Variants in IMMP2L observed in about 807,000 individuals in gnomAD.
IMMP2L encodes the protein inner mitochondrial membrane peptidase subunit 2, also known as mitochondrial inner membrane protease subunit 2.
IMMP2L carries 18 observed loss-of-function variants against 19.3 expected under a neutral mutation model. The ratio of observed to expected loss-of-function variants is 0.93; its 90% confidence interval spans 0.64 to 1.38. The LOEUF is 1.38. IMMP2L is among the 40% of genes most tolerant of loss of function. IMMP2L has a pLI of 0.00. For synonymous variants in IMMP2L, 76 were observed against 73.0 expected, an observed-to-expected ratio of 1.04 and a Z score of -0.21; for missense variants, 233 against 218.2, an observed-to-expected ratio of 1.07 and a Z score of -0.43.
chr7:111,169,952 A>C (rs2129608786), intron 3 of IMMP2L, among the ~76,000 whole-genome samples: 1 of 152,014 alleles, frequency 6.6e-6, no homozygotes, highest in Non-Finnish European at 1.5e-5. Flanking sequence ...TTCCTATATT[A>C]GATTTTAAAA....
intron 3 of IMMP2L, among the ~76,000 whole-genome samples, chr7:111,102,785 G>A (rs941671772): frequency 2.0e-5 from 3 of 151,402 alleles, no homozygotes; most frequent in East Asian, 1.9e-4. Flanking sequence ...AAAAAGCTCC[G>A]AAACCATTCT....
chr7:110,869,357 T>C (rs560163810), intron 5 of IMMP2L, among the ~76,000 whole-genome samples: 1 of 152,260 alleles, frequency 6.6e-6, no homozygotes, highest in Non-Finnish European at 1.5e-5. Context: ...TAGTTGTAAA[T>C]AAAGTCAATA....
intron 5 of IMMP2L, among the ~76,000 whole-genome samples, chr7:110,814,277 C>A (rs918065977): frequency 1.3e-5 from 2 of 151,800 alleles, no homozygotes; most frequent in Non-Finnish European, 2.9e-5. Flanking sequence ...TTTAAGGTAG[C>A]AAAATCATTA....
intron 3 of IMMP2L, among the ~76,000 whole-genome samples, chr7:111,018,817 A>G (rs935372761): frequency 6.8e-6 from 1 of 147,858 alleles, no homozygotes; most frequent in Non-Finnish European, 1.5e-5. Context: ...TATTATTATT[A>G]TTATTATTAT....
chr7:111,030,282 A>C (rs1827272085), intron 3 of IMMP2L, among the ~76,000 whole-genome samples: 1 of 152,096 alleles, frequency 6.6e-6, no homozygotes, highest in Non-Finnish European at 1.5e-5. Context: ...TAAAATGTGA[A>C]AAAAAAGCCT....
intron 1 of IMMP2L, among the ~76,000 whole-genome samples, chr7:111,522,898 G>A (rs895353413): frequency 1.5e-5 from 2 of 134,056 alleles, no homozygotes; most frequent in Non-Finnish European, 3.2e-5. Flanking sequence ...GTCCATCAAT[G>A]GATGAATGAA....
intron 3 of IMMP2L, among the ~76,000 whole-genome samples, chr7:111,003,947 T>TGTATA (rs1824008246): frequency 6.6e-6 from 1 of 152,232 alleles, no homozygotes; most frequent in African/African-American, 2.4e-5. Context: ...TATACCACTT[T>TGTATA]GTATATTCTC....
At chr7:111,195,850 T>A (rs998075796) in intron 3 of IMMP2L, among the ~76,000 whole-genome samples, 2 of 152,368 alleles carry the variant, frequency 1.3e-5, no homozygotes, top group African/African-American at 4.8e-5. Flanking sequence ...TTCATTTCAT[T>A]TCATTTCATT....
chr7:111,123,658 G>C lies in IMMP2L; in HGVS notation c.240-160093C>G, dbSNP rs766559563. Reference sequence around the variant, plus strand: ...AGAGTTGGGGATAAATAATATGCCTGAGCTGATTTCCATCGATAGTCTTGC... The same window carrying C: ...AGAGTTGGGGATAAATAATATGCCTCAGCTGATTTCCATCGATAGTCTTGC... On this transcript the variant is annotated intron_variant, in intron 3 of 5. Coordinates refer to ENST00000405709, the MANE Select transcript of IMMP2L (RefSeq NM_032549.4). This position sits in a 1 kb window ranked among gnomAD's most constrained non-coding sequence, Gnocchi z 6.4. 6.2e-7 allele frequency: 1 copy of C among 1,613,742 alleles called. No homozygotes were observed. The highest frequency in any genetic ancestry group is 1.3e-5 in the African/African-American group (1 of 74,878).
chr7:111,350,952 T>C (rs1470062182), intron 3 of IMMP2L, among the ~76,000 whole-genome samples: 2 of 152,180 alleles, frequency 1.3e-5, no homozygotes, highest in Non-Finnish European at 2.9e-5. Flanking sequence ...TTAGTATTAT[T>C]AGGGTAGATG....
intron 3 of IMMP2L, among the ~76,000 whole-genome samples, chr7:111,057,944 A>T (rs1586004523): frequency 6.6e-6 from 1 of 152,306 alleles, no homozygotes; most frequent in South Asian, 2.1e-4. Context: ...TATACAGCAT[A>T]TGTATATGTG....
chr7:111,140,506 C>A (rs1802772154), intron 3 of IMMP2L, among the ~76,000 whole-genome samples: 1 of 152,140 alleles, frequency 6.6e-6, no homozygotes, highest in South Asian at 2.1e-4. Flanking sequence ...TTTCAAAACA[C>A]TATGCATCAT....
At chr7:111,292,934 A>C (rs1433612213) in intron 3 of IMMP2L, among the ~76,000 whole-genome samples, 1 of 152,004 alleles carries the variant, frequency 6.6e-6, no homozygotes, top group African/African-American at 2.4e-5. Flanking sequence ...AGGCCAAGAG[A>C]GCTCATTCCT....
intron 3 of IMMP2L, among the ~76,000 whole-genome samples, chr7:111,303,261 A>T (rs1466987078): frequency 1.3e-5 from 2 of 152,152 alleles, no homozygotes; most frequent in African/African-American, 2.4e-5. Flanking sequence ...AGATCATTTC[A>T]TCATTGTATC....
At chr7:110,675,887 T>C (rs1018664454) in intron 5 of IMMP2L, among the ~76,000 whole-genome samples, 10 of 152,274 alleles carry the variant, frequency 6.6e-5, no homozygotes, top group South Asian at 2.1e-4. Context: ...CTAGGATATA[T>C]AGTCATCCTA....
At chr7:110,822,557 A>G (rs1331132439) in intron 5 of IMMP2L, among the ~76,000 whole-genome samples, 1 of 152,090 alleles carries the variant, frequency 6.6e-6, no homozygotes, top group Non-Finnish European at 1.5e-5. Flanking sequence ...CCCCAAGCCA[A>G]TTATCCATTC....
chr7:111,324,949 AT>A (rs1825157230), intron 3 of IMMP2L, among the ~76,000 whole-genome samples: 1 of 151,846 alleles, frequency 6.6e-6, no homozygotes, highest in African/African-American at 2.4e-5. Flanking sequence ...TGCCACATCC[AT>A]AAAAACATTA....
intron 5 of IMMP2L, among the ~76,000 whole-genome samples, chr7:110,861,010 T>C (rs2129542712): frequency 6.6e-6 from 1 of 151,448 alleles, no homozygotes; most frequent in East Asian, 2.0e-4. Flanking sequence ...TAAAAATTCC[T>C]CAAAGGTATT....
chr7:111,189,703 G>T (rs1808661761), intron 3 of IMMP2L, among the ~76,000 whole-genome samples: 1 of 152,128 alleles, frequency 6.6e-6, no homozygotes, highest in South Asian at 2.1e-4. Context: ...AAAAGCTTCA[G>T]AGGATTGTCA....
Sources: gnomAD v4.1 joint callset for allele counts (sites outside exome capture counted in the v4.1 genomes callset) on GRCh38, gnomAD v4.1.1 for gene constraint, Gnocchi (gnomAD v3.1) non-coding constraint, MANE v1.5 for transcripts, NCBI Gene and HGNC (gene_info 2026-07-23, HGNC 2026-07-21) for gene names.